Variants in ACOT13 observed in about 807,000 individuals in gnomAD.
The protein encoded by ACOT13 is acyl-coenzyme A thioesterase 13.
A neutral mutation model predicts 11.8 loss-of-function variants in ACOT13; 10 were observed. That is an observed-to-expected ratio of 0.85 (90% confidence interval 0.53 to 1.44). The LOEUF (loss-of-function observed/expected upper bound fraction) is 1.44. Among genes scored for constraint, ACOT13 ranks in the 40% most tolerant of loss-of-function variants. The probability of loss-of-function intolerance (pLI) is 0.00; values close to 1 mark genes in which losing one functional copy is unlikely to be tolerated. For missense variants in ACOT13, 172 were observed against 174.1 expected, an observed-to-expected ratio of 0.99 and a Z score of 0.07; for synonymous variants, 53 against 61.0, an observed-to-expected ratio of 0.87 and a Z score of 0.61.
intron 1 of ACOT13, among the ~76,000 whole-genome samples, chr6:24,679,390 C>G (rs1418537909): frequency 6.6e-6 from 1 of 152,154 alleles, no homozygotes; most frequent in African/African-American, 2.4e-5. Context: ...TAAACTTATC[C>G]TTTAAGATTA....
intron 1 of ACOT13, among the ~76,000 whole-genome samples, chr6:24,678,668 T>C (rs1778496120): frequency 6.6e-6 from 1 of 152,156 alleles, no homozygotes; most frequent in Admixed American, 6.5e-5. Flanking sequence ...TGTTCAGATA[T>C]ATAATGGCCC....
intron 1 of ACOT13, chr6:24,687,484 A>G (rs950900665): frequency 2.3e-5 from 32 of 1,368,296 alleles, no homozygotes; most frequent in South Asian, 3.9e-5. Context: ...GTGGACTCCA[A>G]CACACATAGA....
At chr6:24,675,244 C>G (rs1778434439) in intron 1 of ACOT13, among the ~76,000 whole-genome samples, 1 of 152,146 alleles carries the variant, frequency 6.6e-6, no homozygotes, top group South Asian at 2.1e-4. Context: ...TGGGTATATA[C>G]CCAGTAATGG....
At chr6:24,669,938 C>T (rs189538919) in intron 1 of ACOT13, among the ~76,000 whole-genome samples, 32 of 151,530 alleles carry the variant, frequency 2.1e-4, no homozygotes, top group African/African-American at 6.8e-4. Flanking sequence ...TTCAGTGACT[C>T]CTAATTAGGA....
chr6:24,703,948 G>A lies in ACOT13; in HGVS notation c.*2333G>A, dbSNP rs758216526. 1.3e-5 allele frequency: 2 copies of A among 152,114 alleles called. No individual in the cohort carries two copies. The highest frequency in any genetic ancestry group is 2.9e-5 in the Non-Finnish European group (2 of 68,028). The allele number at this position is 152,114 out of a possible 1,614,324, so 9.4% of individuals were successfully genotyped here. On this transcript the variant is annotated 3_prime_UTR_variant, in exon 3 of 3. Transcript: ENST00000230048. ...TACTCCAAAAAACATAGAGGTCATG[G>A]AACACATAAAGGCTAAGGAACTGTT... is the stretch of plus-strand genomic sequence containing the variant.
Position 24,703,645 on chromosome 6 carries a change from CTA to C in ACOT13, c.*2032_*2033del, listed in dbSNP as rs1301192308. ...ACAAAGCATTAGATTTGGAAAATCA[CTA>C]TTTTGTAACCATCATAGTTAAAGAC... On this transcript the variant is annotated 3_prime_UTR_variant, in exon 3 of 3. Transcript: ENST00000230048. 1 of 152,192 alleles carries C rather than the reference CTA, an allele frequency of 6.6e-6. No homozygotes were observed. The highest frequency in any genetic ancestry group is 6.5e-5 in the Admixed American group (1 of 15,282). The allele number at this position is 152,192 out of a possible 1,614,324, so 9.4% of individuals were successfully genotyped here.
chr6:24,693,479 T>TA lies in ACOT13; in HGVS notation c.82-4397dup, dbSNP rs557585693. ...ACTGCTCAGCAGAATGCAACCCTTT[T>TA]AAAAAAAGACCAGAATGATCTGAGA... On this transcript the variant is annotated intron_variant, in intron 1 of 2. Coordinates refer to ENST00000230048, the MANE Select transcript of ACOT13 (RefSeq NM_018473.4). 2.1e-3 allele frequency among the ~76,000 whole-genome samples: 318 copies of TA among 152,196 alleles called. 1 individual carries two copies. Among genetic ancestry groups the TA allele is most frequent in the African/African-American group, 7.2e-3 (300 of 41,500 alleles).
At chr6:24,697,366 T>C (rs1778811877) in intron 1 of ACOT13, among the ~76,000 whole-genome samples, 1 of 152,038 alleles carries the variant, frequency 6.6e-6, no homozygotes. Flanking sequence ...AAACCTATAA[T>C]GAGTTAACAG....
At position 24,701,637 on chromosome 6, in the gene ACOT13, A is replaced by C. The variant is rs745894045; in HGVS notation, c.*22A>C. On this transcript the variant is annotated 3_prime_UTR_variant, in exon 3 of 3. Transcript: ENST00000230048. ...CTGAGAGAACAGCAGAATGACCTAA[A>C]GAAACCCAACAATGAATATCAAGTA... The C allele has an allele frequency of 1.1e-5, 17 of 1,583,650 alleles. No individual in the cohort carries two copies. Among genetic ancestry groups the C allele is most frequent in the Non-Finnish European group, 1.5e-5 (17 of 1,164,352 alleles).
At chr6:24,683,010 GC>G (rs981213197) in intron 1 of ACOT13, among the ~76,000 whole-genome samples, 1 of 152,166 alleles carries the variant, frequency 6.6e-6, no homozygotes, top group Non-Finnish European at 1.5e-5. Flanking sequence ...TAAGTTGCAA[GC>G]CCCGTGTTTA....
chr6:24,686,584 CT>C (rs981269243), intron 1 of ACOT13, among the ~76,000 whole-genome samples: 36 of 146,032 alleles, frequency 2.5e-4, no homozygotes, highest in African/African-American at 8.3e-4. Context: ...TTTTTCTTTT[CT>C]TTCCTTCCTT....
intron 1 of ACOT13, among the ~76,000 whole-genome samples, chr6:24,671,508 T>C (rs1778365358): frequency 6.6e-6 from 1 of 152,116 alleles, no homozygotes; most frequent in Non-Finnish European, 1.5e-5. Flanking sequence ...AAATACCTAA[T>C]GTAAATGACG....
Position 24,704,126 on chromosome 6 carries a change from G to A in ACOT13, c.*2511G>A, listed in dbSNP as rs1778947891. On this transcript the variant is annotated 3_prime_UTR_variant, in exon 3 of 3. Coordinates refer to ENST00000230048, the MANE Select transcript of ACOT13 (RefSeq NM_018473.4). The stretch of plus-strand genomic sequence containing the variant: ...CCCTGAGTTTGGTAATTTTACTCTA[G>A]TTATATGAAATATTCTTGTACTTGG... 1 of 152,128 alleles carries A rather than the reference G, an allele frequency of 6.6e-6. No homozygotes were observed. Among genetic ancestry groups the A allele is most frequent in the Non-Finnish European group, 1.5e-5 (1 of 68,026 alleles). The allele number at this position is 152,128 out of a possible 1,614,324, so 9.4% of individuals were successfully genotyped here. A position where few individuals can be genotyped will look rare whatever the true frequency, so the allele number is the denominator to read the frequency against.
At chr6:24,701,010 T>C (rs1329729584) in intron 2 of ACOT13, 1 of 152,340 alleles carries the variant, frequency 6.6e-6, no homozygotes, top group Non-Finnish European at 1.5e-5. Context: ...AGACAGTCCA[T>C]CATCAAGATT....
rs1372397592 is a variant in ACOT13, at chr6:24,667,322, A to C, written c.59A>C (p.Asn20Thr). ...EVIKAMTKAR[N>T]FERVLGKITL... ...ATAAAGGCCATGACCAAGGCTCGCA[A>C]TTTTGAGAGAGTTTTGGGAAAGGTA... The change falls in exon 1 of 3, where the codon AAT (asparagine) becomes ACT (threonine). Residue 20 changes from asparagine to threonine, a missense_variant. Coordinates refer to ENST00000230048, the MANE Select transcript of ACOT13 (RefSeq NM_018473.4). 1 of 1,614,070 alleles carries C rather than the reference A, an allele frequency of 6.2e-7. No homozygotes were observed.
At chr6:24,685,650 T>C (rs1180192231) in intron 1 of ACOT13, among the ~76,000 whole-genome samples, 1 of 152,170 alleles carries the variant, frequency 6.6e-6, no homozygotes, top group Non-Finnish European at 1.5e-5. Flanking sequence ...CCGGCCCTTT[T>C]ACTGTACTTT....
intron 1 of ACOT13, among the ~76,000 whole-genome samples, chr6:24,685,253 T>G (rs1778610693): frequency 6.6e-6 from 1 of 151,896 alleles, no homozygotes; most frequent in African/African-American, 2.4e-5. Context: ...ATAGGCAGAG[T>G]TGCTAGGGAT....
At chr6:24,700,071 C>G (rs1417444250) in intron 2 of ACOT13, among the ~76,000 whole-genome samples, 1 of 152,216 alleles carries the variant, frequency 6.6e-6, no homozygotes, top group East Asian at 1.9e-4. Flanking sequence ...TTACTCCACC[C>G]CTGCACATCA....
intron 1 of ACOT13, among the ~76,000 whole-genome samples, chr6:24,667,754 G>A (rs1449174818): frequency 1.3e-5 from 2 of 152,178 alleles, no homozygotes; most frequent in East Asian, 1.9e-4. Flanking sequence ...CCAAGTGCTT[G>A]GTAGAGTGGT....
Sources: allele counts gnomAD v4.1 joint callset (sites outside exome capture counted in the v4.1 genomes callset), GRCh38; gene constraint gnomAD v4.1.1; transcripts MANE v1.5; gene names NCBI Gene and HGNC (gene_info 2026-07-23, HGNC 2026-07-21).